MTCL1: variants seen among roughly 807,000 people sequenced by gnomAD.
MTCL1 encodes the protein microtubule cross-linking factor 1.
A neutral mutation model predicts 141.4 loss-of-function variants in MTCL1; 79 were observed. The ratio of observed to expected loss-of-function variants is 0.56; its 90% CI spans 0.47 to 0.67. The LOEUF (loss-of-function observed/expected upper bound fraction) is 0.67. MTCL1 is among the 30% of genes least tolerant of loss of function. The pLI is 0.00. For missense variants in MTCL1, 2,177 were observed against 2,113.9 expected (o/e 1.03, Z -0.59); for synonymous variants, 914 against 875.8 (o/e 1.04, Z -0.77).
At chr18:8,715,075 C>A (rs1462144768), upstream of MTCL1, among the ~76,000 whole-genome samples, 1 of 152,310 alleles carries the variant, frequency 6.6e-6, no homozygotes, top group African/African-American at 2.4e-5. Context: ...GGATTACAGG[C>A]GTGAGCCACC....
chr18:8,746,321 C>T (rs900607938), intron 4 of MTCL1, among the ~76,000 whole-genome samples: 1 of 152,220 alleles, frequency 6.6e-6, no homozygotes, highest in African/African-American at 2.4e-5. Context: ...CACTGTTTTC[C>T]ACATGGCAGC....
At chr18:8,807,723 C>T (rs1234553653) in intron 11 of MTCL1, among the ~76,000 whole-genome samples, 2 of 152,158 alleles carry the variant, frequency 1.3e-5, no homozygotes, top group Non-Finnish European at 2.9e-5. Flanking sequence ...ACATCCTTTC[C>T]TAAGTGTTTC....
intron 11 of MTCL1, among the ~76,000 whole-genome samples, chr18:8,812,037 CATCCTCTGTGCCAT>C (rs1360815913): frequency 6.6e-6 from 1 of 152,208 alleles, no homozygotes; most frequent in African/African-American, 2.4e-5. Flanking sequence ...AGTTCCTTCC[CATCCTCTGTGCCAT>C]TGCTGTCATA....
intron 4 of MTCL1, among the ~76,000 whole-genome samples, chr18:8,760,762 G>A (rs919666428): frequency 1.3e-5 from 2 of 152,022 alleles, no homozygotes; most frequent in Non-Finnish European, 2.9e-5. Context: ...GTTGTAGAAG[G>A]CACTCCTCCA....
chr18:8,726,496 C>A (rs79052994), intron 4 of MTCL1, among the ~76,000 whole-genome samples: 14,190 of 89,714 alleles, frequency 0.16, 909 homozygotes, highest in Admixed American at 0.19. Context: ...AGAGAGAGAG[C>A]GCGCGCGCGC....
chr18:8,752,584 G>T (rs1426783236), intron 4 of MTCL1, among the ~76,000 whole-genome samples: 2 of 152,150 alleles, frequency 1.3e-5, no homozygotes, highest in Admixed American at 6.5e-5. Context: ...GTATGCTACA[G>T]ACCCACAGAG....
intron 4 of MTCL1, among the ~76,000 whole-genome samples, chr18:8,740,731 C>T (rs1377528319): frequency 6.6e-6 from 1 of 152,202 alleles, no homozygotes; most frequent in Admixed American, 6.5e-5. Flanking sequence ...GATCTGCCTG[C>T]CTCGGCTTCC....
intron 10 of MTCL1, among the ~76,000 whole-genome samples, chr18:8,806,352 G>A (rs2076296201): frequency 6.6e-6 from 1 of 152,192 alleles, no homozygotes; most frequent in African/African-American, 2.4e-5. Context: ...AGGAGTCCTC[G>A]GTCTTTATTA....
chr18:8,826,167 G>A lies in MTCL1; in HGVS notation c.4657G>A (p.Gly1553Arg), dbSNP rs753247478. The stretch of plus-strand genomic sequence containing the variant: ...GGAGGAGAGGAGGCAGGCTGCCCAC[G>A]GGCCCCCGGGTCTCCACAGTGACAG... Residue 1553 changes from glycine to arginine, a missense_variant, in exon 15 of 17, where the codon GGG becomes AGG. Transcript: ENST00000359865. 43 of 1,612,398 alleles carry A rather than the reference G, an allele frequency of 2.7e-5. 1 individual carries two copies. The highest frequency in any genetic ancestry group is 6.6e-5 in the South Asian group (6 of 90,784).
At chr18:8,805,949 T>C (rs1298215260) in intron 10 of MTCL1, among the ~76,000 whole-genome samples, 1 of 152,216 alleles carries the variant, frequency 6.6e-6, no homozygotes, top group East Asian at 1.9e-4. Flanking sequence ...ACAGAAATCA[T>C]GGCTTTGAAA....
intron 4 of MTCL1, among the ~76,000 whole-genome samples, chr18:8,724,943 G>A (rs980903392): frequency 4.7e-5 from 7 of 147,590 alleles, no homozygotes; most frequent in African/African-American, 1.8e-4. Context: ...CCCTCTGCTT[G>A]TACAAAACTC....
rs1307668822 is a variant in MTCL1, at chr18:8,826,072, C to T, written c.4562C>T (p.Pro1521Leu). 6 of 1,610,840 alleles carry T rather than the reference C, an allele frequency of 3.7e-6. No individual in the cohort carries two copies. The highest frequency in any genetic ancestry group is 1.3e-5 in the African/African-American group (1 of 74,884). ...CCAGTGAAGCAGGACTTATCTGCTC[C>T]CCCTGGCTACACGCTCACTGAGAAC... The change falls in exon 15 of 17, where the codon CCC becomes CTC. Residue 1521 changes from proline (P) to leucine (L), a missense_variant. Coordinates refer to ENST00000359865, the Ensembl canonical transcript of MTCL1.
At chr18:8,747,722 T>C (rs554513844) in intron 4 of MTCL1, among the ~76,000 whole-genome samples, 22 of 152,318 alleles carry the variant, frequency 1.4e-4, no homozygotes, top group Non-Finnish European at 2.9e-4. Context: ...GCCCACAACA[T>C]ACAGGAAAAC....
At chr18:8,710,457 CTTTTTTTTTTT>C (rs59830434) in intron 1 of MTCL1, among the ~76,000 whole-genome samples, 18 of 121,818 alleles carry the variant, frequency 1.5e-4, no homozygotes, top group East Asian at 4.5e-4. Flanking sequence ...CAGGCACTTT[CTTTTTTTTTTT>C]TTTTTTTTTT....
rs529501732 is a variant in MTCL1 at position 8,822,442 on chromosome 18, C to A, written c.3188+944C>A. On this transcript the variant is annotated intron_variant, in intron 14 of 16. Transcript: ENST00000359865. The surrounding 1 kb of genome is among the most constrained non-coding windows in gnomAD (Gnocchi z 4.6). ...AAGTAGCTGGGATTACAGGCAAACC[C>A]CACCATACCCGGCTAATTTTTGTCT... Among the ~76,000 whole-genome samples the A allele has an allele frequency of 2.0e-5, 3 of 152,340 alleles. No homozygotes were observed. The South Asian group carries it at 6.2e-4, about 32-fold the overall frequency.
intron 4 of MTCL1, among the ~76,000 whole-genome samples, chr18:8,765,746 G>A (rs1322231522): frequency 4.6e-5 from 7 of 152,134 alleles, no homozygotes; most frequent in African/African-American, 1.2e-4. Context: ...AGAAGGACCC[G>A]GGACATGTAC....
intron 4 of MTCL1, among the ~76,000 whole-genome samples, chr18:8,723,083 T>C (rs781534547): frequency 2.0e-5 from 3 of 152,168 alleles, no homozygotes; most frequent in Non-Finnish European, 4.4e-5. Flanking sequence ...AATTGTTCCA[T>C]TGGAATGAAA....
chr18:8,753,773 G>A (rs2096383599), intron 4 of MTCL1, among the ~76,000 whole-genome samples: 1 of 152,186 alleles, frequency 6.6e-6, no homozygotes, highest in Non-Finnish European at 1.5e-5. Context: ...AGTCCAGGTA[G>A]TGTATGGTTC....
chr18:8,717,636 A>G (rs1256952168), intron 1 of MTCL1: 2 of 152,660 alleles, frequency 1.3e-5, no homozygotes, highest in Non-Finnish European at 2.9e-5. Context: ...CTCCACTTAC[A>G]TCTGTGTGTG....
Sources: allele counts gnomAD v4.1 joint callset (sites outside exome capture counted in the v4.1 genomes callset), GRCh38; gene constraint gnomAD v4.1.1; non-coding constraint Gnocchi (gnomAD v3.1); transcripts MANE v1.5; gene names NCBI Gene and HGNC (gene_info 2026-07-23, HGNC 2026-07-21).